Variants in COLGALT2 observed in about 807,000 individuals in gnomAD.
COLGALT2 encodes the protein procollagen galactosyltransferase 2.
Under a neutral mutation model 73.4 loss-of-function variants are expected in COLGALT2, and 49 were observed. The ratio of observed to expected loss-of-function variants is 0.67; its 90% confidence interval spans 0.53 to 0.85. The LOEUF is 0.85. Among genes scored for constraint, COLGALT2 ranks in the 40% least tolerant of loss-of-function variants. The pLI, the probability that COLGALT2 is intolerant of heterozygous loss-of-function variation, is 0.00. For missense variants in COLGALT2, 722 were observed against 790.2 expected, an observed-to-expected ratio of 0.91 and a Z score of 1.03; for synonymous variants, 295 against 307.6, an observed-to-expected ratio of 0.96 and a Z score of 0.43.
chr1:184,025,341 A>G (rs1649302025), intron 1 of COLGALT2, among the ~76,000 whole-genome samples: 4 of 152,252 alleles, frequency 2.6e-5, no homozygotes, highest in Non-Finnish European at 2.9e-5. Flanking sequence ...AAACAAAAGA[A>G]GCTAATCTCC....
At chr1:183,962,547 C>G (rs1208264944) in intron 6 of COLGALT2, among the ~76,000 whole-genome samples, 2 of 152,130 alleles carry the variant, frequency 1.3e-5, no homozygotes, top group Non-Finnish European at 2.9e-5. Context: ...CAAGACAGAA[C>G]TTGGGAGTTT....
chr1:183,994,797 A>G (rs1412333688), intron 1 of COLGALT2, among the ~76,000 whole-genome samples: 1 of 152,254 alleles, frequency 6.6e-6, no homozygotes, highest in African/African-American at 2.4e-5. Flanking sequence ...CAAGGAATGA[A>G]GAGATTTCTT....
intron 1 of COLGALT2, among the ~76,000 whole-genome samples, chr1:184,015,879 A>C (rs1023168760): frequency 6.6e-6 from 1 of 152,256 alleles, no homozygotes; most frequent in Non-Finnish European, 1.5e-5. Flanking sequence ...GATGCCATAG[A>C]TGTGGCAAAC....
intron 1 of COLGALT2, among the ~76,000 whole-genome samples, chr1:183,985,566 C>T (rs1347633899): frequency 6.6e-6 from 1 of 152,168 alleles, no homozygotes; most frequent in Non-Finnish European, 1.5e-5. Context: ...AGCCACCGCA[C>T]CCGGCCAGGA....
chr1:183,970,950 G>C (rs1671021527), intron 4 of COLGALT2, among the ~76,000 whole-genome samples: 1 of 152,118 alleles, frequency 6.6e-6, no homozygotes, highest in African/African-American at 2.4e-5. Context: ...CTAAGTACTT[G>C]CGTCTAATAT....
Position 183,964,025 on chromosome 1 carries a change from G to T in COLGALT2, c.833-5C>A. The T allele has an allele frequency of 6.2e-7, 1 of 1,612,692 alleles. No individual in the cohort carries two copies. Among genetic ancestry groups the T allele is most frequent in the Non-Finnish European group, 8.5e-7 (1 of 1,179,302 alleles). ...TGCAGAGGTACATCTGGATGCCTGA[G>T]GATCCAAGAGAGGGACAAAGCCAAC... On this transcript the variant is annotated splice_region_variant and splice_polypyrimidine_tract_variant and intron_variant, in intron 5 of 11. Coordinates refer to ENST00000361927, the MANE Select transcript of COLGALT2 (RefSeq NM_015101.4).
chr1:184,024,673 T>A (rs1042121250), intron 1 of COLGALT2, among the ~76,000 whole-genome samples: 1 of 150,146 alleles, frequency 6.7e-6, no homozygotes, highest in South Asian at 2.1e-4. Flanking sequence ...TTTTTTTTTT[T>A]CTGAGCAGAG....
At chr1:184,026,097 G>A (rs1005980161) in intron 1 of COLGALT2, among the ~76,000 whole-genome samples, 1 of 152,192 alleles carries the variant, frequency 6.6e-6, no homozygotes, top group African/African-American at 2.4e-5. Flanking sequence ...TAAGTGACTT[G>A]CTCAAAGCAG....
intron 11 of COLGALT2, among the ~76,000 whole-genome samples, chr1:183,930,577 T>C (rs1669824799): frequency 7.0e-6 from 1 of 142,306 alleles, no homozygotes. Flanking sequence ...TTCTTTTTTT[T>C]TTTTTTTTTT....
intron 6 of COLGALT2, among the ~76,000 whole-genome samples, chr1:183,962,702 C>T (rs1670747713): frequency 6.6e-6 from 1 of 152,174 alleles, no homozygotes; most frequent in East Asian, 1.9e-4. Flanking sequence ...TGCCCAGTAG[C>T]CGTGAAATGT....
intron 1 of COLGALT2, among the ~76,000 whole-genome samples, chr1:183,988,761 T>A (rs1671555270): frequency 6.6e-6 from 1 of 152,236 alleles, no homozygotes; most frequent in Non-Finnish European, 1.5e-5. Context: ...TTGGGTGCTT[T>A]CACTTTCTAG....
intron 1 of COLGALT2, among the ~76,000 whole-genome samples, chr1:183,986,091 G>A (rs1241792666): frequency 6.6e-6 from 1 of 152,138 alleles, no homozygotes; most frequent in Non-Finnish European, 1.5e-5. Context: ...CGTGCCAAAG[G>A]CAGAGACATG....
chr1:183,985,065 A>C (rs2102825249), intron 1 of COLGALT2, among the ~76,000 whole-genome samples: 1 of 152,318 alleles, frequency 6.6e-6, no homozygotes, highest in East Asian at 1.9e-4. Context: ...CTTGTTCCAG[A>C]AGTTAGTTTT....
chr1:183,947,853 T>C (rs1434782988), intron 8 of COLGALT2, among the ~76,000 whole-genome samples: 1 of 151,920 alleles, frequency 6.6e-6, no homozygotes, highest in Non-Finnish European at 1.5e-5. Context: ...TTGCCTAAAC[T>C]GATGAATTAA....
At chr1:183,954,072 G>A (rs1670485258) in intron 7 of COLGALT2, among the ~76,000 whole-genome samples, 2 of 152,176 alleles carry the variant, frequency 1.3e-5, no homozygotes, top group South Asian at 4.1e-4. Context: ...CTGTTCAGCA[G>A]CTACAGGGGA....
At chr1:183,972,767 T>A (rs894966953) in intron 4 of COLGALT2, among the ~76,000 whole-genome samples, 34 of 151,960 alleles carry the variant, frequency 2.2e-4, no homozygotes, top group Non-Finnish European at 4.4e-4. Flanking sequence ...TGGCGCGACC[T>A]CGGCTCACTG....
chr1:183,993,213 T>C (rs1371980380), intron 1 of COLGALT2, among the ~76,000 whole-genome samples: 14 of 152,236 alleles, frequency 9.2e-5, no homozygotes, highest in Admixed American at 2.6e-4. Flanking sequence ...TTGACTTTCA[T>C]GTGGGCTCTG....
chr1:183,982,122 G>A (rs532029617), intron 1 of COLGALT2, among the ~76,000 whole-genome samples: 1 of 152,310 alleles, frequency 6.6e-6, no homozygotes, highest in South Asian at 2.1e-4. Context: ...TCTCGGCAAG[G>A]TCTAGGAGGG....
In COLGALT2 at chr1:184,037,468, G is replaced by A; in HGVS notation, c.-111C>T. ...AAGGGGCTGCGAGGGGCGGCCGGGG[G>A]ATGCGGCTTGCCGCGGCCGGCCGGC... is the stretch of plus-strand genomic sequence containing the variant. On this transcript the variant is annotated 5_prime_UTR_variant, in exon 1 of 12. Transcript: ENST00000361927. The A allele has an allele frequency of 1.7e-6, 2 of 1,202,160 alleles. No homozygotes were observed. Among genetic ancestry groups the A allele is most frequent in the Non-Finnish European group, 2.1e-6 (2 of 970,446 alleles). 74.5% of individuals were successfully genotyped at this position (1,202,160 alleles called of 1,614,324 possible). A position where few individuals can be genotyped will look rare whatever the true frequency, so the allele number is the denominator to read the frequency against.
Sources: allele counts gnomAD v4.1 joint callset (sites outside exome capture counted in the v4.1 genomes callset), GRCh38; gene constraint gnomAD v4.1.1; transcripts MANE v1.5; gene names NCBI Gene and HGNC (gene_info 2026-07-23, HGNC 2026-07-21).